TLL1: variants seen among roughly 807,000 people sequenced by gnomAD.
TLL1 encodes the protein tolloid like 1.
A neutral mutation model predicts 128.2 loss-of-function variants in TLL1; 49 were observed. The ratio of observed to expected loss-of-function variants is 0.38; its 90% CI spans 0.30 to 0.48. The LOEUF (loss-of-function observed/expected upper bound fraction) is 0.48. Among genes scored for constraint, TLL1 ranks in the 20% least tolerant of loss-of-function variants. TLL1 has a pLI of 0.96. For missense variants in TLL1, 1,123 were observed against 1,242.0 expected (o/e 0.90, Z 1.44); for synonymous variants, 454 against 418.8 (o/e 1.08, Z -1.03).
intron 11 of TLL1, among the ~76,000 whole-genome samples, chr4:166,042,949 A>G (rs761236708): frequency 6.6e-6 from 1 of 152,226 alleles, no homozygotes. Flanking sequence ...CAAAGGAAGC[A>G]GCTCAGAGAA....
intron 1 of TLL1, among the ~76,000 whole-genome samples, chr4:165,903,911 G>A (rs1188452879): frequency 1.3e-5 from 2 of 151,398 alleles, no homozygotes; most frequent in Non-Finnish European, 2.9e-5. Context: ...AAATATATAG[G>A]GTTTTTTTGG....
At chr4:165,975,060 A>G (rs1315623753) in intron 1 of TLL1, among the ~76,000 whole-genome samples, 2 of 152,188 alleles carry the variant, frequency 1.3e-5, no homozygotes, top group African/African-American at 4.8e-5. Context: ...ATGATCCATC[A>G]GAGATGTCTC....
chr4:165,928,206 C>A (rs971506126), intron 1 of TLL1, among the ~76,000 whole-genome samples: 1 of 152,188 alleles, frequency 6.6e-6, no homozygotes, highest in Admixed American at 6.5e-5. Flanking sequence ...TTGGTGAAAT[C>A]ATTGACTCAA....
intron 6 of TLL1, among the ~76,000 whole-genome samples, chr4:166,005,507 G>C (rs1737381559): frequency 6.6e-6 from 1 of 151,802 alleles, no homozygotes; most frequent in African/African-American, 2.4e-5. Flanking sequence ...TAGAAGCCAA[G>C]GAAATAAATA....
chr4:166,000,215 CT>C (rs1309561326), intron 5 of TLL1, among the ~76,000 whole-genome samples: 3 of 152,170 alleles, frequency 2.0e-5, no homozygotes, highest in Non-Finnish European at 4.4e-5. Context: ...ACATTAGAAA[CT>C]AAGATAATAT....
At chr4:166,019,313 G>A (rs1039303703) in intron 8 of TLL1, among the ~76,000 whole-genome samples, 6 of 152,014 alleles carry the variant, frequency 3.9e-5, no homozygotes, top group Non-Finnish European at 7.4e-5. Context: ...GAGGGGAGAG[G>A]GTGGGAGGCG....
intron 5 of TLL1, among the ~76,000 whole-genome samples, chr4:166,000,682 ATATTT>A: frequency 6.6e-6 from 1 of 152,214 alleles, no homozygotes; most frequent in East Asian, 1.9e-4. Context: ...AAGGTAGCAA[ATATTT>A]TAGTTTAAAT....
intron 7 of TLL1, 55 bp from the exon 8 acceptor site, chr4:166,014,381 A>G: frequency 6.2e-7 from 1 of 1,609,428 alleles, no homozygotes; most frequent in South Asian, 1.1e-5. Context: ...AATGTAAGGA[A>G]TTCATGAGTT....
At chr4:165,920,573 C>T (rs1732999790) in intron 1 of TLL1, among the ~76,000 whole-genome samples, 1 of 152,092 alleles carries the variant, frequency 6.6e-6, no homozygotes, top group Non-Finnish European at 1.5e-5. Flanking sequence ...AATTAGGTTT[C>T]TCCTATAAGG....
intron 20 of TLL1, among the ~76,000 whole-genome samples, chr4:166,099,960 G>C (rs1222946075): frequency 6.6e-6 from 1 of 152,126 alleles, no homozygotes; most frequent in Non-Finnish European, 1.5e-5. Flanking sequence ...TGGAGGCGGT[G>C]GCAGGGTCAG....
chr4:166,005,656 G>T (rs1396619116), intron 6 of TLL1, among the ~76,000 whole-genome samples: 6 of 151,888 alleles, frequency 4.0e-5, no homozygotes, highest in Non-Finnish European at 8.8e-5. Context: ...GGGAAATAAA[G>T]AGGAAATAAA....
chr4:165,898,443 G>T (rs958245256), intron 1 of TLL1, among the ~76,000 whole-genome samples: 5 of 152,048 alleles, frequency 3.3e-5, no homozygotes, highest in Admixed American at 2.6e-4. Context: ...GCATGAAGTC[G>T]TGTTGAATTT....
rs1740950060 is a variant in TLL1 at position 166,074,884 on chromosome 4, A to T, written c.2195A>T (p.Asp732Val). 1 of 1,613,444 alleles carries T rather than the reference A, an allele frequency of 6.2e-7. No individual in the cohort carries two copies. The highest frequency in any genetic ancestry group is 2.2e-5 in the East Asian group (1 of 44,792). Residue 732 changes from aspartate to valine, a missense_variant, in exon 17 of 21, where the codon GAT becomes GTT. Coordinates refer to ENST00000061240, the MANE Select transcript of TLL1 (RefSeq NM_012464.5). Reference protein sequence around the residue: ...GFKAHFFSDKDECSKDNGGCQ... With the variant: ...GFKAHFFSDKVECSKDNGGCQ... ...GGATTGATCTCTTTGCTAGACAAAG[A>T]TGAATGCTCTAAGGATAATGGTGGA... is the stretch of plus-strand genomic sequence containing the variant.
intron 1 of TLL1, among the ~76,000 whole-genome samples, chr4:165,974,652 C>T (rs188932104): frequency 6.6e-6 from 1 of 152,322 alleles, no homozygotes. Flanking sequence ...TGCACAAACT[C>T]TGGATATATA....
At chr4:165,954,637 C>T (rs886948123) in intron 1 of TLL1, among the ~76,000 whole-genome samples, 1 of 152,044 alleles carries the variant, frequency 6.6e-6, no homozygotes, top group African/African-American at 2.4e-5. Flanking sequence ...CCAGAAAATG[C>T]ACACATTGCA....
In TLL1 at chr4:165,973,377, A is replaced by C. The variant is rs559367121; in HGVS notation, c.170-16004A>C. The stretch of plus-strand genomic sequence containing the variant: ...AGCACCATCCCAGGATGGTGCTATC[A>C]AATAAATAAACTATCTTATACAACT... On this transcript the variant is annotated intron_variant, in intron 1 of 20. Transcript: ENST00000061240. 3.3e-5 allele frequency among the ~76,000 whole-genome samples: 5 copies of C among 152,026 alleles called. No individual in the cohort carries two copies. In the South Asian group the frequency reaches 6.3e-4, roughly 19 times the overall value.
chr4:165,957,654 C>T (rs1040183395), intron 1 of TLL1, among the ~76,000 whole-genome samples: 1 of 151,628 alleles, frequency 6.6e-6, no homozygotes, highest in Non-Finnish European at 1.5e-5. Context: ...TATCGCTCGT[C>T]CCCATCCTAC....
intron 7 of TLL1, among the ~76,000 whole-genome samples, chr4:166,009,516 T>C (rs1207414258): frequency 6.6e-6 from 1 of 151,434 alleles, no homozygotes; most frequent in African/African-American, 2.4e-5. Context: ...TTGCCCGTAG[T>C]CCACCTCACC....
intron 1 of TLL1, among the ~76,000 whole-genome samples, chr4:165,881,755 T>C (rs1465669221): frequency 6.6e-6 from 1 of 152,110 alleles, no homozygotes; most frequent in Non-Finnish European, 1.5e-5. Context: ...GGGTGAATAG[T>C]GTAGGGGAGA....
Sources: allele counts gnomAD v4.1 joint callset (sites outside exome capture counted in the v4.1 genomes callset), GRCh38; gene constraint gnomAD v4.1.1; transcripts MANE v1.5; gene names NCBI Gene and HGNC (gene_info 2026-07-23, HGNC 2026-07-21).